Variants in LRP2 observed in about 807,000 individuals in gnomAD.
LRP2 encodes the protein low-density lipoprotein receptor-related protein 2.
A neutral mutation model predicts 531.0 loss-of-function variants in LRP2; 172 were observed. The ratio of observed to expected loss-of-function variants is 0.32; its 90% CI spans 0.29 to 0.37. The LOEUF (loss-of-function observed/expected upper bound fraction) is 0.37. Among genes scored for constraint, LRP2 ranks in the 10% least tolerant of loss-of-function variants. The pLI is 1.00. For missense variants in LRP2, 5,167 were observed against 5,868.3 expected, an observed-to-expected ratio of 0.88 and a Z score of 3.90; for synonymous variants, 1,992 against 2,027.6, an observed-to-expected ratio of 0.98 and a Z score of 0.47.
At position 169,226,603 on chromosome 2, in the gene LRP2, G is replaced by C; in HGVS notation, c.5228-15C>G. ...AGGTTGATCATCTGTGAAAATAGAA[G>C]AATATCAGTCAAAATCATATCCCAC... On this transcript the variant is annotated splice_polypyrimidine_tract_variant and intron_variant, in intron 31 of 78. Transcript: ENST00000649046. 6.3e-7 allele frequency: 1 copy of C among 1,591,308 alleles called. No homozygotes were observed.
chr2:169,225,063 C>T (rs1193493611), intron 33 of LRP2, among the ~76,000 whole-genome samples: 1 of 151,776 alleles, frequency 6.6e-6, no homozygotes, highest in Non-Finnish European at 1.5e-5. Flanking sequence ...TGCACTCCAG[C>T]CTGGGCGACA....
At chr2:169,316,817 T>G (rs1406299639) in intron 3 of LRP2, among the ~76,000 whole-genome samples, 1 of 151,798 alleles carries the variant, frequency 6.6e-6, no homozygotes, top group African/African-American at 2.4e-5. Context: ...ACACCAATAC[T>G]CAAGGGCTGA....
intron 62 of LRP2, among the ~76,000 whole-genome samples, chr2:169,164,249 T>A (rs371092636): frequency 3.3e-5 from 5 of 152,326 alleles, no homozygotes; most frequent in East Asian, 3.9e-4. Context: ...AGGCACTGAT[T>A]GTTTATTAGT....
rs561035334 is a variant in LRP2, at chr2:169,359,014, T to C, written c.79+3307A>G. 6.3e-4 allele frequency among the ~76,000 whole-genome samples: 95 copies of C among 151,638 alleles called. 1 individual carries two copies. Among genetic ancestry groups the C allele is most frequent in the South Asian group, 5.4e-3 (26 of 4,796 alleles). ...AGACTTTCCTTTGTATATTTGAAAA[T>C]TGGAAATGGAAATAGGAATAGGAAG... On this transcript the variant is annotated intron_variant, in intron 1 of 78. Coordinates refer to ENST00000649046, the MANE Select transcript of LRP2 (RefSeq NM_004525.3).
chr2:169,168,514 T>C, intron 61 of LRP2, 25 bp downstream of exon 61: 1 of 1,613,886 alleles, frequency 6.2e-7, no homozygotes, highest in African/African-American at 1.3e-5. Flanking sequence ...ACCACTCCCA[T>C]TCACTCCGTT....
At chr2:169,283,025 T>A (rs1399025845) in intron 9 of LRP2, 24 bp from the exon 10 acceptor site, 1 of 1,613,422 alleles carries the variant, frequency 6.2e-7, no homozygotes, top group East Asian at 2.2e-5. Flanking sequence ...AATACACATT[T>A]GTAGTCAAGG....
chr2:169,329,975 CACAA>C, intron 1 of LRP2, among the ~76,000 whole-genome samples: 1 of 152,338 alleles, frequency 6.6e-6, no homozygotes, highest in East Asian at 1.9e-4. Flanking sequence ...CCCATAGGAG[CACAA>C]ACCCTGTTGT....
intron 48 of LRP2, among the ~76,000 whole-genome samples, chr2:169,191,057 C>A (rs1345730857): frequency 6.6e-6 from 1 of 152,172 alleles, no homozygotes. Flanking sequence ...TCTGTTTGAT[C>A]CACACAGTGT....
chr2:169,224,754 A>C (rs531869332), intron 33 of LRP2, among the ~76,000 whole-genome samples: 2 of 152,322 alleles, frequency 1.3e-5, no homozygotes, highest in African/African-American at 2.4e-5. Flanking sequence ...TAGTATTGAT[A>C]ATTAGGAGGA....
chr2:169,260,974 T>C (rs1348860050), intron 16 of LRP2, among the ~76,000 whole-genome samples: 4 of 151,864 alleles, frequency 2.6e-5, no homozygotes, highest in South Asian at 2.1e-4. Context: ...ACAGGACTGA[T>C]AGGCATTATT....
intron 16 of LRP2, among the ~76,000 whole-genome samples, chr2:169,268,699 G>T (rs1427418530): frequency 6.6e-6 from 1 of 152,216 alleles, no homozygotes; most frequent in Non-Finnish European, 1.5e-5. Context: ...GCACAAGGCA[G>T]GGATGCCCTC....
chr2:169,245,268 A>G (rs1689964912), intron 21 of LRP2, among the ~76,000 whole-genome samples: 2 of 152,240 alleles, frequency 1.3e-5, no homozygotes, highest in Admixed American at 1.3e-4. Context: ...CCTGCCTATG[A>G]TTCACGCTCT....
intron 1 of LRP2, among the ~76,000 whole-genome samples, chr2:169,360,911 A>G (rs1686130797): frequency 6.6e-6 from 1 of 152,172 alleles, no homozygotes; most frequent in Non-Finnish European, 1.5e-5. Context: ...TGAGGAAAGA[A>G]AGCAGATTAA....
chr2:169,203,237 C>T (rs1378192206), intron 42 of LRP2, among the ~76,000 whole-genome samples: 1 of 152,238 alleles, frequency 6.6e-6, no homozygotes. Context: ...TCAAAAGGCA[C>T]ATCTTCCCGT....
intron 68 of LRP2, among the ~76,000 whole-genome samples, chr2:169,148,567 G>A (rs1273050138): frequency 1.3e-5 from 2 of 152,102 alleles, no homozygotes; most frequent in African/African-American, 2.4e-5. Context: ...GTTCAAGGCT[G>A]CAGTGAGCTA....
At position 169,176,369 on chromosome 2, in the gene LRP2, C is replaced by T. The variant is rs116379597; in HGVS notation, c.10571+42G>A. ...AGCCTTGAAGGTCAATGTCTGTCCA[C>T]GGGCTAGAGAGGCACTGAGGAGAGG... On this transcript the variant is annotated intron_variant, in intron 54 of 78. Transcript: ENST00000649046. 1.8e-3 allele frequency: 2,967 copies of T among 1,610,900 alleles called. 48 individuals carry two copies. The African/African-American group carries it at 0.034, about 18-fold the overall frequency.
At chr2:169,361,065 G>A (rs1048940191) in intron 1 of LRP2, among the ~76,000 whole-genome samples, 8 of 152,150 alleles carry the variant, frequency 5.3e-5, no homozygotes, top group African/African-American at 1.9e-4. Flanking sequence ...ACAACAATAG[G>A]GGTTTCATTT....
At position 169,289,151 on chromosome 2, in the gene LRP2, C is replaced by T. The variant is rs144147038; in HGVS notation, c.923-6G>A. On this transcript the variant is annotated splice_polypyrimidine_tract_variant and splice_region_variant and intron_variant, in intron 8 of 78. Coordinates refer to ENST00000649046, the MANE Select transcript of LRP2 (RefSeq NM_004525.3). ...GGCAGAGCACAGAGTCATACCTAAA[C>T]GAAGAAAAGAACTTTGTTAAATGAA... 9.5e-3 allele frequency: 15,313 copies of T among 1,613,810 alleles called. 198 individuals carry two copies. The highest frequency in any genetic ancestry group is 0.057 in the Middle Eastern group (346 of 6,060).
At chr2:169,296,464 T>G (rs965741463) in intron 4 of LRP2, among the ~76,000 whole-genome samples, 16 of 152,020 alleles carry the variant, frequency 1.1e-4, no homozygotes, top group Non-Finnish European at 2.1e-4. Context: ...TAATTCTCCC[T>G]TCAAGAGATG....
Sources: gnomAD v4.1 joint callset for allele counts (sites outside exome capture counted in the v4.1 genomes callset) on GRCh38, gnomAD v4.1.1 for gene constraint, MANE v1.5 for transcripts, NCBI Gene and HGNC (gene_info 2026-07-23, HGNC 2026-07-21) for gene names.